The following ERP27 variants were observed in gnomAD, a reference collection of about 807,000 sequenced individuals.
The protein encoded by ERP27 is endoplasmic reticulum resident protein 27.
A neutral mutation model predicts 27.7 loss-of-function variants in ERP27; 23 were observed. That is an observed-to-expected ratio of 0.83 (90% CI 0.60 to 1.18). ERP27 has a LOEUF of 1.18. Ranked by LOEUF, ERP27 falls within the 50% of genes most tolerant of loss-of-function variation. The pLI is 0.00. For synonymous variants in ERP27, 159 were observed against 118.3 expected, an observed-to-expected ratio of 1.34 and a Z score of -2.23; for missense variants, 363 against 327.9, an observed-to-expected ratio of 1.11 and a Z score of -0.83.
chr12:14,916,461 T>C (rs1303614324), intron 5 of ERP27, among the ~76,000 whole-genome samples: 2 of 152,188 alleles, frequency 1.3e-5, no homozygotes, highest in Non-Finnish European at 2.9e-5. Context: ...ATTAATATTT[T>C]TATTCAGCTT....
At chr12:14,924,570 T>A (rs917853212) in intron 3 of ERP27, among the ~76,000 whole-genome samples, 1 of 152,216 alleles carries the variant, frequency 6.6e-6, no homozygotes, top group Admixed American at 6.5e-5. Flanking sequence ...ATAGCCATTC[T>A]AATTGGGGTG....
rs376781316 is a variant in ERP27 at position 14,931,227 on chromosome 12, A to G, written c.333+3629T>C. Among the ~76,000 whole-genome samples the G allele has an allele frequency of 1.4e-4, 22 of 152,294 alleles. No homozygotes were observed. In the East Asian group the frequency reaches 1.5e-3, roughly 11 times the overall value. ...GATTCTTGTGTGAATTAAATGGTCA[A>G]ATATTGTAATAGTGCCTATCATAGA... On this transcript the variant is annotated intron_variant, in intron 3 of 6. Coordinates refer to ENST00000266397, the MANE Select transcript of ERP27 (RefSeq NM_152321.4).
chr12:14,915,813 T>G lies in ERP27; in HGVS notation c.577-127A>C. On this transcript the variant is annotated intron_variant, in intron 5 of 6. Coordinates refer to ENST00000266397, the MANE Select transcript of ERP27 (RefSeq NM_152321.4). ...GGTCTGCACCATGAAATTGAAATCTTGAGTTAAAATAAATTATTGCAGCTG... is the reference window on the plus strand; with the variant it reads ...GGTCTGCACCATGAAATTGAAATCTGGAGTTAAAATAAATTATTGCAGCTG... The G allele has an allele frequency of 3.5e-6, 3 of 847,268 alleles. No homozygotes were observed. The South Asian group carries it at 5.7e-5, about 16-fold the overall frequency. 52.5% of individuals were successfully genotyped at this position (847,268 alleles called of 1,614,324 possible).
chr12:14,935,134 C>T, intron 2 of ERP27, 141 bp from the exon 3 acceptor site: 1 of 1,448,490 alleles, frequency 6.9e-7, no homozygotes, highest in Admixed American at 2.6e-5. Flanking sequence ...TTACCCCTAA[C>T]AATTCAGGTT....
At position 14,914,657 on chromosome 12, in the gene ERP27, A is replaced by G; in HGVS notation, c.*78T>C. 1 of 1,375,452 alleles carries G rather than the reference A, an allele frequency of 7.3e-7. No homozygotes were observed. Among genetic ancestry groups the G allele is most frequent in the Non-Finnish European group, 1.0e-6 (1 of 978,786 alleles). The allele number at this position is 1,375,452 out of a possible 1,614,324, so 85.2% of individuals were successfully genotyped here. A position where few individuals can be genotyped will look rare whatever the true frequency, so the allele number is the denominator to read the frequency against. On this transcript the variant is annotated 3_prime_UTR_variant, in exon 7 of 7. Transcript: ENST00000266397. ...GGCAGGCCTAGTGATCCTGTTGTTT[A>G]GTGTCTCTGAGATTTGAGTTGTGCC...
Position 14,917,265 on chromosome 12 carries a change from A to G in ERP27, c.489T>C (p.His163=), listed in dbSNP as rs1360519706. ...IGLFNSVIQI[H]LLLIMNKASP... is the part of the protein sequence containing the mutation. The stretch of plus-strand genomic sequence containing the variant: ...AGGCCTTGTTCATTATCAGGAGGAG[A>G]TGAATCTGAATTACGCTGTTGAATA... The change falls in exon 5 of 7, where the codon CAT becomes CAC. Residue 163 remains histidine (H), a synonymous_variant. Transcript: ENST00000266397. 1 of 1,614,114 alleles carries G rather than the reference A, an allele frequency of 6.2e-7. No individual in the cohort carries two copies. The highest frequency in any genetic ancestry group is 1.1e-5 in the South Asian group (1 of 91,082).
At chr12:14,923,956 A>C (rs1350359876) in intron 3 of ERP27, among the ~76,000 whole-genome samples, 3 of 152,160 alleles carry the variant, frequency 2.0e-5, no homozygotes, top group Admixed American at 2.0e-4. Context: ...TATTCCTTTC[A>C]TCTAACTGTA....
At chr12:14,927,753 C>G (rs1486346064) in intron 3 of ERP27, among the ~76,000 whole-genome samples, 2 of 149,790 alleles carry the variant, frequency 1.3e-5, no homozygotes, top group East Asian at 1.9e-4. Context: ...GGCACACACA[C>G]ACACACACAC....
chr12:14,937,800 T>C, intron 2 of ERP27, 152 bp downstream of exon 2: 1 of 610,922 alleles, frequency 1.6e-6, no homozygotes, highest in Non-Finnish European at 2.9e-6. Context: ...AAATAAGAGG[T>C]CCCAATGGAC....
chr12:14,915,647 C>A lies in ERP27; in HGVS notation c.616G>T (p.Gly206Trp), dbSNP rs1208036788. Residue 206 changes from glycine to tryptophan, a missense_variant, in exon 6 of 7, where the codon GGG becomes TGG. Physicochemically the swap from Gly to Trp is radical, Grantham distance 184. Transcript: ENST00000266397. ...ILVDSGMKEN[G>W]KVISFFKLKE... is the part of the protein sequence containing the mutation. ...AGTTTGAAAAATGATATCACCTTCC[C>A]ATTTTCTTTCATACCACTGTCCACC... is the stretch of plus-strand genomic sequence containing the variant. 2 of 1,614,176 alleles carry A rather than the reference C, an allele frequency of 1.2e-6. No individual in the cohort carries two copies. The highest frequency in any genetic ancestry group is 1.7e-6 in the Non-Finnish European group (2 of 1,180,010).
In ERP27 at chr12:14,937,835, G is replaced by T. The variant is rs553994572; in HGVS notation, c.195+117C>A. ...CAAGATGAAATCAAACTGGGTGGCT[G>T]TCTCCCTTTACCCCCACTTCTAATG... On this transcript the variant is annotated intron_variant, in intron 2 of 6. Coordinates refer to ENST00000266397, the MANE Select transcript of ERP27 (RefSeq NM_152321.4). 14 of 739,800 alleles carry T rather than the reference G, an allele frequency of 1.9e-5. No individual in the cohort carries two copies. The South Asian group carries it at 2.3e-4, about 12-fold the overall frequency. 45.8% of individuals were successfully genotyped at this position (739,800 alleles called of 1,614,324 possible).
chr12:14,937,378 T>G (rs781060103), intron 2 of ERP27, among the ~76,000 whole-genome samples: 1 of 152,210 alleles, frequency 6.6e-6, no homozygotes, highest in Non-Finnish European at 1.5e-5. Flanking sequence ...GCTGCCTTTC[T>G]TAGTCAAGAA....
At chr12:14,931,427 A>T (rs1863695412) in intron 3 of ERP27, among the ~76,000 whole-genome samples, 1 of 152,042 alleles carries the variant, frequency 6.6e-6, no homozygotes, top group Non-Finnish European at 1.5e-5. Flanking sequence ...TATGTACTAA[A>T]GTTTTGAAAG....
chr12:14,928,617 A>G (rs1369425096), intron 3 of ERP27, among the ~76,000 whole-genome samples: 2 of 152,224 alleles, frequency 1.3e-5, no homozygotes, highest in Non-Finnish European at 2.9e-5. Flanking sequence ...TACAATTTAA[A>G]TTTATGAAAT....
rs139573344 is a variant in ERP27 at position 14,917,279 on chromosome 12, C to T, written c.475G>A (p.Val159Ile). 5.1e-5 allele frequency: 83 copies of T among 1,614,130 alleles called. No homozygotes were observed. In the East Asian group the frequency reaches 5.6e-4, roughly 11 times the overall value. ...ATCAGGAGGAGATGAATCTGAATTA[C>T]GCTGTTGAATAACCCAATCACAGTC... is the stretch of plus-strand genomic sequence containing the variant. ...PVTVIGLFNS[V>I]IQIHLLLIMN... The change falls in exon 5 of 7, where the codon GTA becomes ATA. Residue 159 changes from valine (V) to isoleucine (I), a missense_variant. By Grantham distance (29) the Val-to-Ile change is conservative. Coordinates refer to ENST00000266397, the MANE Select transcript of ERP27 (RefSeq NM_152321.4).
intron 4 of ERP27, among the ~76,000 whole-genome samples, chr12:14,917,983 G>A (rs1863440297): frequency 6.6e-6 from 1 of 152,186 alleles, no homozygotes; most frequent in Admixed American, 6.5e-5. Context: ...CTTTATTTCA[G>A]CCCCCTCTCT....
intron 5 of ERP27, among the ~76,000 whole-genome samples, chr12:14,916,616 A>G (rs1343604775): frequency 6.6e-6 from 1 of 152,190 alleles, no homozygotes; most frequent in African/African-American, 2.4e-5. Context: ...AGTGTTAGAG[A>G]ACCAACCATC....
chr12:14,938,300 T>G, intron 1 of ERP27, 115 bp downstream of exon 1: 1 of 1,122,534 alleles, frequency 8.9e-7, no homozygotes, highest in Non-Finnish European at 1.3e-6. Context: ...TATCCAGGAT[T>G]TCCTGGAAAG....
Position 14,914,591 on chromosome 12 carries a change from C to T in ERP27, c.*144G>A. On this transcript the variant is annotated 3_prime_UTR_variant, in exon 7 of 7. Coordinates refer to ENST00000266397, the MANE Select transcript of ERP27 (RefSeq NM_152321.4). Reference sequence around the variant, plus strand: ...GTGTGTGTGTGTGCGTGTGTGTGTGCACGCGTGCGTGCGTGTGTGCACGTG... The same window carrying T: ...GTGTGTGTGTGTGCGTGTGTGTGTGTACGCGTGCGTGCGTGTGTGCACGTG... The T allele has an allele frequency of 3.3e-6, 2 of 601,664 alleles. No homozygotes were observed. Among genetic ancestry groups the T allele is most frequent in the Non-Finnish European group, 5.8e-6 (2 of 341,974 alleles). The allele number at this position is 601,664 out of a possible 1,614,324, so 37.3% of individuals were successfully genotyped here.
Sources: gnomAD v4.1 joint callset for allele counts (sites outside exome capture counted in the v4.1 genomes callset) on GRCh38, gnomAD v4.1.1 for gene constraint, MANE v1.5 for transcripts, NCBI Gene and HGNC (gene_info 2026-07-23, HGNC 2026-07-21) for gene names.